Variants in GAREM1 observed in about 807,000 individuals in gnomAD.
GAREM1 encodes GRB2 associated regulator of MAPK1 subtype 1, also known as GRB2-associated and regulator of MAPK protein 1.
GAREM1 carries 26 observed loss-of-function variants against 71.3 expected under a neutral mutation model. That is an observed-to-expected ratio of 0.36 (90% CI 0.27 to 0.51). The LOEUF (loss-of-function observed/expected upper bound fraction) is 0.51, where lower values mean the gene tolerates loss of function less well. GAREM1 is among the 20% of genes least tolerant of loss of function. GAREM1 has a pLI of 0.95. For synonymous variants in GAREM1, 440 were observed against 433.2 expected, an observed-to-expected ratio of 1.02 and a Z score of -0.20; for missense variants, 1,026 against 1,103.1, an observed-to-expected ratio of 0.93 and a Z score of 0.99.
chr18:32,352,986 G>A (rs1412015268), intron 2 of GAREM1, among the ~76,000 whole-genome samples: 1 of 152,286 alleles, frequency 6.6e-6, no homozygotes, highest in Admixed American at 6.5e-5. Context: ...TTTTATTAAT[G>A]AGAGGCCAAC....
At chr18:32,271,391 C>A (rs142371098) in intron 4 of GAREM1, among the ~76,000 whole-genome samples, 12 of 152,018 alleles carry the variant, frequency 7.9e-5, no homozygotes, top group Non-Finnish European at 1.6e-4. Context: ...CGGGGTTTGA[C>A]GATGTTGGCC....
Position 32,308,965 on chromosome 18 carries a change from C to T in GAREM1, c.393+1228G>A, listed in dbSNP as rs1040542961. Among the ~76,000 whole-genome samples the T allele has an allele frequency of 5.3e-5, 8 of 149,940 alleles. 1 individual carries two copies. The highest frequency in any genetic ancestry group is 2.7e-4 in the Admixed American group (4 of 15,044). ...CCTGAAGAGTGTGGGTGGAATGACT[C>T]ATCCACAAAGACACTGCTGCATTCT... On this transcript the variant is annotated intron_variant, in intron 3 of 5. Transcript: ENST00000269209.
At chr18:32,425,894 T>C (rs981980825) in intron 1 of GAREM1, among the ~76,000 whole-genome samples, 6 of 152,208 alleles carry the variant, frequency 3.9e-5, no homozygotes, top group African/African-American at 1.2e-4. Flanking sequence ...TCTTAAACTT[T>C]TCTTCAAATT....
intron 5 of GAREM1, 35 bp downstream of exon 5, chr18:32,270,182 A>T: frequency 6.2e-7 from 1 of 1,607,488 alleles, no homozygotes; most frequent in East Asian, 2.2e-5. Context: ...GGATGAGAAG[A>T]TAAGCGTGCA....
chr18:32,273,360 C>T (rs1192494232), intron 4 of GAREM1, among the ~76,000 whole-genome samples: 2 of 152,178 alleles, frequency 1.3e-5, no homozygotes, highest in Non-Finnish European at 1.5e-5. Context: ...AGTTGGCTGA[C>T]TTAGGTTTAT....
At chr18:32,373,446 G>C (rs1333170439) in intron 2 of GAREM1, among the ~76,000 whole-genome samples, 1 of 152,170 alleles carries the variant, frequency 6.6e-6, no homozygotes, top group Non-Finnish European at 1.5e-5. Context: ...CCTTAGGGAG[G>C]TGATTAGGGC....
chr18:32,275,686 C>CT (rs139236248), intron 4 of GAREM1, among the ~76,000 whole-genome samples: 6 of 151,602 alleles, frequency 4.0e-5, no homozygotes, highest in East Asian at 1.9e-4. Context: ...AAGTCTATCT[C>CT]TTTTTTTTTG....
intron 1 of GAREM1, among the ~76,000 whole-genome samples, chr18:32,433,180 C>T (rs1599044249): frequency 6.7e-6 from 1 of 148,502 alleles, no homozygotes; most frequent in East Asian, 1.9e-4. Flanking sequence ...CACACAGGAT[C>T]GTATCAATTG....
intron 1 of GAREM1, among the ~76,000 whole-genome samples, chr18:32,460,341 C>A (rs1427224809): frequency 6.6e-6 from 1 of 152,120 alleles, no homozygotes; most frequent in East Asian, 1.9e-4. Flanking sequence ...ATAAAGAATT[C>A]ATACTGCATT....
chr18:32,323,477 G>A (rs774488644), intron 2 of GAREM1, among the ~76,000 whole-genome samples: 42 of 152,162 alleles, frequency 2.8e-4, no homozygotes, highest in Non-Finnish European at 5.3e-4. Flanking sequence ...TGTAATCCCA[G>A]CACTTTGGGA....
chr18:32,367,169 T>C (rs796385409), intron 2 of GAREM1, among the ~76,000 whole-genome samples: 11 of 152,318 alleles, frequency 7.2e-5, no homozygotes, highest in African/African-American at 1.9e-4. Flanking sequence ...CCCAAGAAAA[T>C]AGTCTCTATT....
chr18:32,446,449 A>G (rs951035996), intron 1 of GAREM1, among the ~76,000 whole-genome samples: 1 of 152,196 alleles, frequency 6.6e-6, no homozygotes, highest in African/African-American at 2.4e-5. Flanking sequence ...AATCCAAGAC[A>G]CTTCTGAGAA....
intron 2 of GAREM1, among the ~76,000 whole-genome samples, chr18:32,359,050 A>G (rs1398223638): frequency 3.9e-5 from 6 of 152,194 alleles, no homozygotes; most frequent in Admixed American, 3.3e-4. Flanking sequence ...CAACTCTCAT[A>G]CTGTGATATT....
intron 1 of GAREM1, among the ~76,000 whole-genome samples, chr18:32,443,515 C>T (rs1027424881): frequency 1.3e-5 from 2 of 152,114 alleles, no homozygotes; most frequent in Non-Finnish European, 2.9e-5. Context: ...ACACAAATGG[C>T]AACAAGCACA....
chr18:32,340,318 G>T (rs1320137742), intron 2 of GAREM1, among the ~76,000 whole-genome samples: 2 of 152,128 alleles, frequency 1.3e-5, no homozygotes, highest in Admixed American at 1.3e-4. Flanking sequence ...TAGGATCCAC[G>T]CTCTAGAGAA....
intron 2 of GAREM1, among the ~76,000 whole-genome samples, chr18:32,382,225 A>C (rs921645270): frequency 6.6e-6 from 1 of 152,178 alleles, no homozygotes; most frequent in Non-Finnish European, 1.5e-5. Flanking sequence ...GGGAAGAGTG[A>C]CAGCAAGACA....
chr18:32,384,917 T>C (rs930940569), intron 2 of GAREM1, among the ~76,000 whole-genome samples: 1 of 152,078 alleles, frequency 6.6e-6, no homozygotes, highest in African/African-American at 2.4e-5. Flanking sequence ...TTACCCTCTA[T>C]CTGACCACAA....
chr18:32,457,348 T>C (rs1354381570), intron 1 of GAREM1, among the ~76,000 whole-genome samples: 1 of 151,828 alleles, frequency 6.6e-6, no homozygotes, highest in African/African-American at 2.4e-5. Context: ...GGTATTCAAA[T>C]TCTTCATAAT....
chr18:32,433,608 A>G (rs2048645567), intron 1 of GAREM1, among the ~76,000 whole-genome samples: 1 of 152,224 alleles, frequency 6.6e-6, no homozygotes, highest in South Asian at 2.1e-4. Context: ...TAAAATTAGC[A>G]AAGCTGAAGA....
Sources: gnomAD v4.1 joint callset for allele counts (sites outside exome capture counted in the v4.1 genomes callset) on GRCh38, gnomAD v4.1.1 for gene constraint, MANE v1.5 for transcripts, NCBI Gene and HGNC (gene_info 2026-07-23, HGNC 2026-07-21) for gene names.